CNTNAP2: variants seen among roughly 807,000 people sequenced by gnomAD.
The protein encoded by CNTNAP2 is contactin associated protein 2.
Under a neutral mutation model 155.2 loss-of-function variants are expected in CNTNAP2, and 98 were observed. The ratio of observed to expected loss-of-function variants is 0.63; its 90% CI spans 0.54 to 0.75. The LOEUF (loss-of-function observed/expected upper bound fraction) is 0.75. Ranked by LOEUF, CNTNAP2 falls within the 30% of genes least tolerant of loss-of-function variation. The pLI, the probability that CNTNAP2 is intolerant of heterozygous loss-of-function variation, is 0.00. For synonymous variants in CNTNAP2, 651 were observed against 631.2 expected, an observed-to-expected ratio of 1.03 and a Z score of -0.47; for missense variants, 1,727 against 1,688.1, an observed-to-expected ratio of 1.02 and a Z score of -0.40.
chr7:148,349,405 CTCTTT>C (rs1798381494), intron 21 of CNTNAP2, among the ~76,000 whole-genome samples: 1 of 135,634 alleles, frequency 7.4e-6, no homozygotes, highest in Non-Finnish European at 1.6e-5. Context: ...AAAAAAATCT[CTCTTT>C]TTTTTTTTTG....
At chr7:147,037,513 G>A (rs1262862047) in intron 3 of CNTNAP2, among the ~76,000 whole-genome samples, 2 of 142,236 alleles carry the variant, frequency 1.4e-5, no homozygotes, top group Non-Finnish European at 3.0e-5. Context: ...CCAGGCCAGA[G>A]TGCAGTGGTG....
chr7:147,612,355 G>A (rs1031401892), intron 12 of CNTNAP2, among the ~76,000 whole-genome samples: 1 of 150,374 alleles, frequency 6.7e-6, no homozygotes, highest in South Asian at 2.1e-4. Context: ...GCCAAATTAA[G>A]AAATATAATT....
chr7:146,540,248 G>A (rs978931352), intron 1 of CNTNAP2, among the ~76,000 whole-genome samples: 1 of 152,004 alleles, frequency 6.6e-6, no homozygotes, highest in African/African-American at 2.4e-5. Context: ...TTAATATAGG[G>A]TCAGAGAATG....
At chr7:146,704,652 G>A (rs1800932745) in intron 1 of CNTNAP2, among the ~76,000 whole-genome samples, 1 of 152,132 alleles carries the variant, frequency 6.6e-6, no homozygotes, top group Admixed American at 6.6e-5. Context: ...AGCCTAATGT[G>A]AGGTCAATTG....
At chr7:147,941,219 G>C (rs1293846812) in intron 14 of CNTNAP2, among the ~76,000 whole-genome samples, 1 of 152,154 alleles carries the variant, frequency 6.6e-6, no homozygotes, top group Admixed American at 6.5e-5. Context: ...CATCTCAGGG[G>C]TGTAAGAGAG....
intron 3 of CNTNAP2, among the ~76,000 whole-genome samples, chr7:146,888,770 T>G (rs545508021): frequency 9.9e-5 from 15 of 152,180 alleles, no homozygotes; most frequent in African/African-American, 3.6e-4. Flanking sequence ...CACTATATGA[T>G]GTTACCTACA....
intron 13 of CNTNAP2, among the ~76,000 whole-genome samples, chr7:147,751,396 T>TAAAA (rs59271527): frequency 0.067 from 9,645 of 144,446 alleles, 557 homozygotes; most frequent in African/African-American, 0.16. Flanking sequence ...TGAATTTAGT[T>TAAAA]AAAAAAAAAA....
intron 9 of CNTNAP2, among the ~76,000 whole-genome samples, chr7:147,371,373 T>G (rs1170340355): frequency 6.6e-6 from 1 of 152,198 alleles, no homozygotes; most frequent in Non-Finnish European, 1.5e-5. Context: ...GTTTGTTTTA[T>G]GTACTACTAT....
chr7:147,123,510 G>A (rs1801162875), intron 6 of CNTNAP2, among the ~76,000 whole-genome samples: 1 of 152,172 alleles, frequency 6.6e-6, no homozygotes, highest in South Asian at 2.1e-4. Context: ...AGAACTGCAG[G>A]TATAGACTAA....
chr7:147,211,949 T>G (rs567877223), intron 8 of CNTNAP2, among the ~76,000 whole-genome samples: 1 of 152,034 alleles, frequency 6.6e-6, no homozygotes, highest in African/African-American at 2.4e-5. Context: ...CATGAACAGA[T>G]GCTGATCAAA....
At position 148,115,038 on chromosome 7, in the gene CNTNAP2, G is replaced by A. The variant is rs115069465; in HGVS notation, c.2384-3080G>A. ...CAATTGACAACTCCAAGGGCATCATGTGATAATCCAGATGTTTCCAGGATA... is the reference window on the plus strand; with the variant it reads ...CAATTGACAACTCCAAGGGCATCATATGATAATCCAGATGTTTCCAGGATA... On this transcript the variant is annotated intron_variant, in intron 15 of 23. Coordinates refer to ENST00000361727, the MANE Select transcript of CNTNAP2 (RefSeq NM_014141.6). Among the ~76,000 whole-genome samples the A allele has an allele frequency of 2.4e-3, 365 of 152,292 alleles. 2 individuals are homozygous for A. The highest frequency in any genetic ancestry group is 8.4e-3 in the African/African-American group (348 of 41,566).
At chr7:147,202,234 C>A (rs1240594698) in intron 8 of CNTNAP2, among the ~76,000 whole-genome samples, 3 of 56,992 alleles carry the variant, frequency 5.3e-5, no homozygotes, top group Non-Finnish European at 1.2e-4. Context: ...ATCGGGCTAG[C>A]CTGATTTAAA....
chr7:147,591,272 G>A (rs184569895), intron 12 of CNTNAP2, among the ~76,000 whole-genome samples: 5 of 152,274 alleles, frequency 3.3e-5, no homozygotes, highest in African/African-American at 1.2e-4. Flanking sequence ...TGGAGTCTAG[G>A]ATCAAGGTGT....
intron 1 of CNTNAP2, among the ~76,000 whole-genome samples, chr7:146,296,928 A>C (rs955444155): frequency 2.0e-5 from 3 of 151,816 alleles, no homozygotes; most frequent in African/African-American, 7.3e-5. Flanking sequence ...GTACTGAGTT[A>C]TTTTGTATAA....
chr7:146,803,429 TC>T (rs1335029017), intron 2 of CNTNAP2, among the ~76,000 whole-genome samples: 1 of 152,090 alleles, frequency 6.6e-6, no homozygotes, highest in Non-Finnish European at 1.5e-5. Flanking sequence ...TAAAGAACAA[TC>T]CCCTAGTGCA....
intron 15 of CNTNAP2, among the ~76,000 whole-genome samples, chr7:148,032,811 T>G (rs550960924): frequency 1.3e-5 from 2 of 152,246 alleles, no homozygotes; most frequent in Non-Finnish European, 2.9e-5. Context: ...ATGAGCACTT[T>G]GGATTGTTCT....
At chr7:146,727,616 A>T (rs924802457) in intron 1 of CNTNAP2, among the ~76,000 whole-genome samples, 1 of 152,150 alleles carries the variant, frequency 6.6e-6, no homozygotes, top group African/African-American at 2.4e-5. Context: ...GGCAATTTTC[A>T]CTGTCAGGCT....
chr7:146,161,659 C>T (rs1029882795), intron 1 of CNTNAP2, among the ~76,000 whole-genome samples: 3 of 152,158 alleles, frequency 2.0e-5, no homozygotes, highest in African/African-American at 7.2e-5. Flanking sequence ...TTGGAAAAAA[C>T]TACTTTAAAG....
intron 13 of CNTNAP2, among the ~76,000 whole-genome samples, chr7:147,798,897 T>C (rs1797944852): frequency 6.6e-6 from 1 of 152,216 alleles, no homozygotes; most frequent in African/African-American, 2.4e-5. Context: ...GGGTCTCTGA[T>C]GAAGTCTAAC....
Sources: allele counts gnomAD v4.1 joint callset (sites outside exome capture counted in the v4.1 genomes callset), GRCh38; gene constraint gnomAD v4.1.1; transcripts MANE v1.5; gene names NCBI Gene and HGNC (gene_info 2026-07-23, HGNC 2026-07-21).